LZTS3: variants seen among roughly 807,000 people sequenced by gnomAD.
LZTS3 encodes the protein leucine zipper putative tumor suppressor 3.
Under a neutral mutation model 50.9 loss-of-function variants are expected in LZTS3, and 16 were observed. The observed-to-expected ratio is 0.31, with a 90% CI of 0.21 to 0.48. LZTS3 has a LOEUF of 0.48. LZTS3 is among the 20% of genes least tolerant of loss of function. The pLI, the probability that LZTS3 is intolerant of heterozygous loss-of-function variation, is 0.99. For synonymous variants in LZTS3, 408 were observed against 410.6 expected, an observed-to-expected ratio of 0.99 and a Z score of 0.08; for missense variants, 816 against 931.0, an observed-to-expected ratio of 0.88 and a Z score of 1.61.
In LZTS3 at chr20:3,166,183, C is replaced by G; in HGVS notation, c.637G>C (p.Gly213Arg). Residue 213 changes from glycine (G) to arginine (R), a missense_variant, in exon 4 of 5, where the codon GGG becomes CGG. By Grantham distance (125) the Gly-to-Arg change is moderately radical. Around this residue, in one of 3 missense-constraint regions of LZTS3, gnomAD observed 700 missense variants for 769.4 expected, o/e 0.91. Coordinates refer to ENST00000337576, the MANE Select transcript of LZTS3 (RefSeq NM_001365618.1). ...CGGCCTGAGTCTGAGAGGCCACTCCCACTCCCACCCGCTGGAGTCATGGTC... is the reference window on the plus strand; with the variant it reads ...CGGCCTGAGTCTGAGAGGCCACTCCGACTCCCACCCGCTGGAGTCATGGTC... ...SRTMTPAGGS[G>R]SGLSDSGRNS... 1 of 1,613,764 alleles carries G rather than the reference C, an allele frequency of 6.2e-7. No individual in the cohort carries two copies. The highest frequency in any genetic ancestry group is 1.3e-5 in the African/African-American group (1 of 75,052).
rs1335677389 is a variant in LZTS3, at chr20:3,165,737, C to A, written c.1083G>T (p.Glu361Asp). The A allele has an allele frequency of 6.3e-7, 1 of 1,575,420 alleles. No homozygotes were observed. The highest frequency in any genetic ancestry group is 8.6e-7 in the Non-Finnish European group (1 of 1,168,386). Residue 361 changes from glutamate to aspartate, a missense_variant, in exon 4 of 5, where the codon GAG becomes GAT. Physicochemically the swap from Glu to Asp is conservative, Grantham distance 45. Coordinates refer to ENST00000337576, the MANE Select transcript of LZTS3 (RefSeq NM_001365618.1). This position sits in a 1 kb window ranked among gnomAD's most constrained non-coding sequence, Gnocchi z 5.0. ...QVLEERQKAW[E>D]RELAELRQGC... is the part of the protein sequence containing the mutation. ...CCTGCCGCAGCTCGGCCAGCTCCCG[C>A]TCCCACGCCTTCTGCCGCTCCTCCA...
chr20:3,171,636 C>T (rs1047120647), intron 1 of LZTS3, among the ~76,000 whole-genome samples: 1 of 148,934 alleles, frequency 6.7e-6, no homozygotes, highest in Non-Finnish European at 1.5e-5. Context: ...CTCCAGCAGC[C>T]TGGGCAACGG....
intron 1 of LZTS3, among the ~76,000 whole-genome samples, chr20:3,172,776 G>A (rs2066915175): frequency 6.6e-6 from 1 of 152,206 alleles, no homozygotes; most frequent in Non-Finnish European, 1.5e-5. Context: ...ATCCGGGCAG[G>A]GAGAGCAGGA....
intron 1 of LZTS3, among the ~76,000 whole-genome samples, chr20:3,170,499 A>AAAAAAAC: frequency 7.9e-6 from 1 of 127,046 alleles, no homozygotes; most frequent in Non-Finnish European, 1.8e-5. Flanking sequence ...AAAAAAAAAA[A>AAAAAAAC]AAAAAAACAG....
chr20:3,165,712 C>T lies in LZTS3; in HGVS notation c.1108G>A (p.Gly370Ser). ...WERELAELRQ[G>S]CSGKLQQVAR... ...ACCTGCTGTAGCTTCCCGCTGCAGC[C>T]CTGCCGCAGCTCGGCCAGCTCCCGC... is the stretch of plus-strand genomic sequence containing the variant. Residue 370 changes from glycine (G) to serine (S), a missense_variant, in exon 4 of 5, where the codon GGC becomes AGC. Physicochemically the swap from Gly to Ser is moderately conservative, Grantham distance 56. This residue lies in a region of LZTS3 where 700 missense variants were observed against 769.4 expected (regional missense o/e 0.91). Transcript: ENST00000337576. The surrounding 1 kb of genome is among the most constrained non-coding windows in gnomAD (Gnocchi z 5.0). 1 of 1,574,668 alleles carries T rather than the reference C, an allele frequency of 6.4e-7. No individual in the cohort carries two copies. Among genetic ancestry groups the T allele is most frequent in the Non-Finnish European group, 8.6e-7 (1 of 1,168,484 alleles).
At chr20:3,170,490 A>AAAAAAAAAAC (rs2066889262) in intron 1 of LZTS3, among the ~76,000 whole-genome samples, 1 of 144,758 alleles carries the variant, frequency 6.9e-6, no homozygotes, top group East Asian at 2.2e-4. Context: ...CTACATCAAA[A>AAAAAAAAAAC]AAAAAAAAAA....
At chr20:3,173,029 G>A (rs1223370766) in intron 1 of LZTS3, among the ~76,000 whole-genome samples, 1 of 142,836 alleles carries the variant, frequency 7.0e-6, no homozygotes, top group Admixed American at 6.9e-5. Context: ...ACACACGCGC[G>A]CACACACGAG....
In LZTS3 at chr20:3,164,798, C is replaced by A; in HGVS notation, c.1678G>T (p.Gly560Trp). The A allele has an allele frequency of 6.5e-7, 1 of 1,534,882 alleles. No homozygotes were observed. Among genetic ancestry groups the A allele is most frequent in the South Asian group, 1.2e-5 (1 of 82,986 alleles). Residue 560 changes from glycine to tryptophan, a missense_variant, in exon 5 of 5, where the codon GGG becomes TGG. Gly to Trp is a radical substitution (Grantham distance 184). Transcript: ENST00000337576. ...CTCTCCCCGCCAGCCTCCGCCTCCC[C>A]GTCCACGGAAACCAAGGAGGCGGCA... ...AAAASLVSVDGEAEAGGESGT... is the reference protein window; with the variant it reads ...AAAASLVSVDWEAEAGGESGT...
chr20:3,171,922 C>G (rs1042960867), intron 1 of LZTS3, among the ~76,000 whole-genome samples: 1 of 152,148 alleles, frequency 6.6e-6, no homozygotes, highest in African/African-American at 2.4e-5. Flanking sequence ...CATGAGGGGG[C>G]CAAACGGACT....
In LZTS3 at chr20:3,166,272, G is replaced by A; in HGVS notation, c.548C>T (p.Thr183Ile). The A allele has an allele frequency of 6.2e-7, 1 of 1,614,014 alleles. No individual in the cohort carries two copies. The highest frequency in any genetic ancestry group is 1.1e-5 in the South Asian group (1 of 91,062). Residue 183 changes from threonine (T) to isoleucine (I), a missense_variant, in exon 4 of 5, where the codon ACC (threonine) becomes ATC (isoleucine). By Grantham distance (89) the Thr-to-Ile change is moderately conservative. Transcript: ENST00000337576. ...CTGCCGTCCCTCAGGAGTCCCATTG[G>A]TCTGCGGGGGGCACAAATTCTGCAT... ...HSMQNLCPPQTNGTPEGRQGP... is the reference protein window; with the variant it reads ...HSMQNLCPPQINGTPEGRQGP...
chr20:3,165,177 A>T lies in LZTS3; in HGVS notation c.1324-25T>A. The T allele has an allele frequency of 6.7e-7, 1 of 1,497,636 alleles. No individual in the cohort carries two copies. The allele number at this position is 1,497,636 out of a possible 1,614,324, so 92.8% of individuals were successfully genotyped here. A position where few individuals can be genotyped will look rare whatever the true frequency, so the allele number is the denominator to read the frequency against. ...CCTGGGCAGGAACAGGTGAGAGGAG[A>T]AGCCAGGTAAAGGCAGAGCTCTGCT... is the stretch of plus-strand genomic sequence containing the variant. On this transcript the variant is annotated intron_variant, in intron 4 of 4. Coordinates refer to ENST00000337576, the MANE Select transcript of LZTS3 (RefSeq NM_001365618.1). The surrounding 1 kb of genome is among the most constrained non-coding windows in gnomAD (Gnocchi z 5.0).
chr20:3,165,922 C>T lies in LZTS3; in HGVS notation c.898G>A (p.Gly300Arg). 1 of 1,611,276 alleles carries T rather than the reference C, an allele frequency of 6.2e-7. No individual in the cohort carries two copies. The change falls in exon 4 of 5, where the codon GGG (glycine) becomes AGG (arginine). Residue 300 changes from glycine (G) to arginine (R), a missense_variant. Around this residue, in one of 3 missense-constraint regions of LZTS3, gnomAD observed 700 missense variants for 769.4 expected, o/e 0.91. Coordinates refer to ENST00000337576, the MANE Select transcript of LZTS3 (RefSeq NM_001365618.1). The surrounding 1 kb of genome is among the most constrained non-coding windows in gnomAD (Gnocchi z 5.0). ...GGCAGGCCTCCACCTCCGCCCTCCC[C>T]AGAGCCCAGGTGGCCTGGCCGCCCC... ...SMGRPGHLGSGEGGGGGLPFA... is the reference protein window; with the variant it reads ...SMGRPGHLGSREGGGGGLPFA...
chr20:3,165,232 CA>C lies in LZTS3; in HGVS notation c.1324-81del, dbSNP rs1168495924. 7.3e-7 allele frequency: 1 copy of C among 1,365,642 alleles called. No homozygotes were observed. Among genetic ancestry groups the C allele is most frequent in the Non-Finnish European group, 9.7e-7 (1 of 1,034,892 alleles). 84.6% of individuals were successfully genotyped at this position (1,365,642 alleles called of 1,614,324 possible). On this transcript the variant is annotated intron_variant, in intron 4 of 4. Coordinates refer to ENST00000337576, the MANE Select transcript of LZTS3 (RefSeq NM_001365618.1). This position sits in a 1 kb window ranked among gnomAD's most constrained non-coding sequence, Gnocchi z 5.0. ...CCAACCCAGCTACCAGATCTGGAGC[CA>C]GGGGCACCAAGCTTCCCGGGGCTGC... is the stretch of plus-strand genomic sequence containing the variant.
rs1423866094 is a variant in LZTS3, at chr20:3,165,902, G to A, written c.918C>T (p.Gly306=). The change falls in exon 4 of 5, where the codon GGC becomes GGT. Residue 306 remains glycine (G), a synonymous_variant. Transcript: ENST00000337576. This position sits in a 1 kb window ranked among gnomAD's most constrained non-coding sequence, Gnocchi z 5.0. ...GCGGTGAGCAGGCCGCGAAAGGCAG[G>A]CCTCCACCTCCGCCCTCCCCAGAGC... ...HLGSGEGGGG[G]LPFAACSPPS... is the part of the protein sequence containing the mutation. 6.2e-7 allele frequency: 1 copy of A among 1,609,156 alleles called. No individual in the cohort carries two copies. The highest frequency in any genetic ancestry group is 2.2e-5 in the East Asian group (1 of 44,878).
At chr20:3,168,762 C>T (rs41281242) in intron 1 of LZTS3, among the ~76,000 whole-genome samples, 17,757 of 152,236 alleles carry the variant, frequency 0.12, 1,155 homozygotes, top group African/African-American at 0.13. Context: ...CAGGCCTTTT[C>T]CCACTACACC....
In LZTS3 at chr20:3,165,391, A is replaced by ACCCCCCCCCCCCCCC. The variant is rs1555767247; in HGVS notation, c.1323+105_1323+106insGGGGGGGGGGGGGGG. ...GATTTTTGTCCCCCCTGCTCCTTTC[A>ACCCCCCCCCCCCCCC]TCCCCCCCCCCATCCCACCGTTATG... On this transcript the variant is annotated intron_variant, in intron 4 of 4. Coordinates refer to ENST00000337576, the MANE Select transcript of LZTS3 (RefSeq NM_001365618.1). This position sits in a 1 kb window ranked among gnomAD's most constrained non-coding sequence, Gnocchi z 5.0. 1 of 917,290 alleles carries ACCCCCCCCCCCCCCC rather than the reference A, an allele frequency of 1.1e-6. No homozygotes were observed. Among genetic ancestry groups the ACCCCCCCCCCCCCCC allele is most frequent in the African/African-American group, 2.2e-5 (1 of 45,910 alleles). 56.8% of individuals were successfully genotyped at this position (917,290 alleles called of 1,614,324 possible). A position where few individuals can be genotyped will look rare whatever the true frequency, so the allele number is the denominator to read the frequency against.
chr20:3,167,046 C>T lies in LZTS3; in HGVS notation c.118G>A (p.Val40Met), dbSNP rs531081411. The T allele has an allele frequency of 1.8e-4, 285 of 1,573,826 alleles. No homozygotes were observed. The highest frequency in any genetic ancestry group is 6.6e-4 in the East Asian group (29 of 43,968). The change falls in exon 3 of 5, where the codon GTG (valine) becomes ATG (methionine). Residue 40 changes from valine (V) to methionine (M), a missense_variant. Transcript: ENST00000337576. The part of the protein sequence containing the change: ...PPDPRLAMGS[V>M]GSGVAHAQEF... ...TGGGCATGGGCCACCCCACTGCCCA[C>T]GCTGCCCATGGCCAGGCGGGGGTCC...
intron 1 of LZTS3, among the ~76,000 whole-genome samples, chr20:3,171,034 G>GGGA (rs1294736256): frequency 1.3e-4 from 20 of 152,300 alleles, no homozygotes; most frequent in African/African-American, 4.6e-4. Flanking sequence ...GGATAGCAAG[G>GGGA]TGACTGCACC....
chr20:3,172,770 G>A (rs923751003), intron 1 of LZTS3, among the ~76,000 whole-genome samples: 1 of 152,290 alleles, frequency 6.6e-6, no homozygotes, highest in Middle Eastern at 3.4e-3. Flanking sequence ...CAGTGAATCC[G>A]GGCAGGGAGA....
Sources: gnomAD v4.1 joint callset for allele counts (sites outside exome capture counted in the v4.1 genomes callset) on GRCh38, gnomAD v4.1.1 for gene constraint, gnomAD v4.1.1 regional missense constraint, Gnocchi (gnomAD v3.1) non-coding constraint, MANE v1.5 for transcripts, NCBI Gene and HGNC (gene_info 2026-07-23, HGNC 2026-07-21) for gene names.